The following DOCK3 variants were observed in gnomAD, a reference collection of about 807,000 sequenced individuals.
The protein encoded by DOCK3 is dedicator of cytokinesis protein 3.
In DOCK3, 60 loss-of-function variants were observed where a neutral mutation model predicts 265.6. The ratio of observed to expected loss-of-function variants is 0.23; its 90% CI spans 0.18 to 0.28. The LOEUF is 0.28. Ranked by LOEUF, DOCK3 falls within the 10% of genes least tolerant of loss-of-function variation. The probability of loss-of-function intolerance (pLI) is 1.00; values close to 1 mark genes in which losing one functional copy is unlikely to be tolerated. For synonymous variants in DOCK3, 881 were observed against 938.0 expected (o/e 0.94, Z 1.11); for missense variants, 1,981 against 2,594.3 (o/e 0.76, Z 5.14).
chr3:51,166,430 C>A (rs1306265771), intron 12 of DOCK3, among the ~76,000 whole-genome samples: 2 of 152,124 alleles, frequency 1.3e-5, no homozygotes, highest in Non-Finnish European at 2.9e-5. Context: ...CTGCAATAAA[C>A]CTGGGAGTGC....
chr3:50,697,468 G>A (rs1170542022), intron 1 of DOCK3, among the ~76,000 whole-genome samples: 1 of 152,058 alleles, frequency 6.6e-6, no homozygotes, highest in African/African-American at 2.4e-5. Flanking sequence ...GCGGGTGCCT[G>A]TAATCCCAGC....
intron 22 of DOCK3, among the ~76,000 whole-genome samples, chr3:51,250,274 A>T (rs1213653744): frequency 6.3e-5 from 5 of 79,346 alleles, no homozygotes; most frequent in African/African-American, 1.3e-4. Flanking sequence ...ATCAATAAAA[A>T]AAAAAAAAAA....
chr3:51,328,140 C>T (rs1042758833), intron 32 of DOCK3, among the ~76,000 whole-genome samples: 2 of 152,174 alleles, frequency 1.3e-5, no homozygotes, highest in Non-Finnish European at 2.9e-5. Flanking sequence ...CTAACAAGAT[C>T]TCTGGTAAAA....
intron 9 of DOCK3, among the ~76,000 whole-genome samples, chr3:51,111,199 A>C (rs1419420026): frequency 6.6e-6 from 1 of 152,204 alleles, no homozygotes; most frequent in Admixed American, 6.5e-5. Flanking sequence ...ACAAATGGAA[A>C]AACATTCCAT....
chr3:50,869,505 G>A (rs1336965357), intron 3 of DOCK3, among the ~76,000 whole-genome samples: 2 of 150,470 alleles, frequency 1.3e-5, no homozygotes, highest in Non-Finnish European at 3.0e-5. Flanking sequence ...CGAGTAGCTG[G>A]GACCACAGGT....
chr3:51,157,158 G>GC (rs2085889343), intron 10 of DOCK3, among the ~76,000 whole-genome samples: 5 of 24,168 alleles, frequency 2.1e-4, no homozygotes, highest in African/African-American at 1.4e-3. Context: ...ATCAATTTAT[G>GC]TTTATTTTGT....
intron 12 of DOCK3, among the ~76,000 whole-genome samples, chr3:51,184,577 C>A: frequency 1.3e-5 from 2 of 151,206 alleles, no homozygotes; most frequent in African/African-American, 2.4e-5. Context: ...GAATTTTAAC[C>A]CAAAGTATAA....
chr3:51,357,160 C>A lies in DOCK3; in HGVS notation c.4683+19C>A. Reference sequence around the variant, plus strand: ...TCAGGAGGTAAGCTGTGGCCACAGGCCAAACCCATGCAGCCAGCCTGGCCA... The same window carrying A: ...TCAGGAGGTAAGCTGTGGCCACAGGACAAACCCATGCAGCCAGCCTGGCCA... On this transcript the variant is annotated intron_variant, in intron 44 of 52. Coordinates refer to ENST00000266037, the MANE Select transcript of DOCK3 (RefSeq NM_004947.5). The A allele has an allele frequency of 6.2e-7, 1 of 1,603,584 alleles. No homozygotes were observed. Among genetic ancestry groups the A allele is most frequent in the Non-Finnish European group, 8.5e-7 (1 of 1,174,394 alleles).
intron 5 of DOCK3, among the ~76,000 whole-genome samples, chr3:51,058,817 T>A (rs2081294338): frequency 6.6e-6 from 1 of 151,958 alleles, no homozygotes; most frequent in African/African-American, 2.4e-5. Context: ...GGCCTATTTT[T>A]TTTAAGGTAA....
intron 10 of DOCK3, among the ~76,000 whole-genome samples, chr3:51,151,442 G>A (rs909649435): frequency 7.9e-5 from 12 of 152,108 alleles, no homozygotes; most frequent in African/African-American, 2.9e-4. Context: ...TAGGTCACCA[G>A]CATCAAAGAC....
At chr3:51,138,797 C>G (rs557607771) in intron 9 of DOCK3, among the ~76,000 whole-genome samples, 20 of 152,254 alleles carry the variant, frequency 1.3e-4, no homozygotes, top group Admixed American at 9.8e-4. Context: ...TCTTGAAAAT[C>G]CCTTCGAAAG....
chr3:51,304,202 C>T (rs2082517072), intron 27 of DOCK3, among the ~76,000 whole-genome samples: 1 of 152,134 alleles, frequency 6.6e-6, no homozygotes, highest in Non-Finnish European at 1.5e-5. Flanking sequence ...CACAGTCTGC[C>T]ACAGCCAGTG....
intron 5 of DOCK3, among the ~76,000 whole-genome samples, chr3:51,022,319 C>T (rs2079627972): frequency 6.6e-6 from 1 of 152,102 alleles, no homozygotes; most frequent in African/African-American, 2.4e-5. Context: ...AACATTTCCA[C>T]TTTATCTTAG....
intron 1 of DOCK3, among the ~76,000 whole-genome samples, chr3:50,764,830 ATGT>A (rs1395460807): frequency 6.6e-6 from 1 of 152,064 alleles, no homozygotes. Flanking sequence ...TCTTCCTAAT[ATGT>A]TGTTTTTCAA....
At chr3:51,364,952 T>A (rs2087026981) in intron 49 of DOCK3, among the ~76,000 whole-genome samples, 2 of 152,352 alleles carry the variant, frequency 1.3e-5, no homozygotes, top group South Asian at 2.1e-4. Flanking sequence ...CTTAGGATTG[T>A]CTTGGCAATG....
At chr3:50,828,989 G>A (rs1418041550) in intron 2 of DOCK3, among the ~76,000 whole-genome samples, 3 of 152,180 alleles carry the variant, frequency 2.0e-5, no homozygotes, top group Non-Finnish European at 4.4e-5. Flanking sequence ...TGGGATTACA[G>A]GTGTGAGCCA....
At chr3:51,137,042 A>T (rs552295894) in intron 9 of DOCK3, among the ~76,000 whole-genome samples, 140 of 127,710 alleles carry the variant, frequency 1.1e-3, no homozygotes, top group African/African-American at 3.7e-3. Flanking sequence ...TAAATTAATT[A>T]AAAAAAAAAC....
At chr3:51,206,066 T>C (rs2108097560) in intron 12 of DOCK3, among the ~76,000 whole-genome samples, 1 of 152,340 alleles carries the variant, frequency 6.6e-6, no homozygotes, top group African/African-American at 2.4e-5. Context: ...TCCTTTACTT[T>C]CCCCAGAAAT....
chr3:50,898,876 TGAG>T (rs1296515056), intron 4 of DOCK3, among the ~76,000 whole-genome samples: 3 of 152,198 alleles, frequency 2.0e-5, no homozygotes, highest in African/African-American at 7.2e-5. Context: ...TTGCATTTGC[TGAG>T]GAGTGTTTTA....
Sources: allele counts gnomAD v4.1 joint callset (sites outside exome capture counted in the v4.1 genomes callset), GRCh38; gene constraint gnomAD v4.1.1; transcripts MANE v1.5; gene names NCBI Gene and HGNC (gene_info 2026-07-23, HGNC 2026-07-21).